Variants in NSL1 observed in about 807,000 individuals in gnomAD.
NSL1 encodes kinetochore-associated protein NSL1 homolog.
In NSL1, 11 loss-of-function variants were observed where a neutral mutation model predicts 25.4. The observed-to-expected ratio is 0.43, with a 90% CI of 0.27 to 0.72. NSL1 has a LOEUF of 0.72. Ranked by LOEUF, NSL1 falls within the 30% of genes least tolerant of loss-of-function variation. The pLI is 0.19. For synonymous variants in NSL1, 118 were observed against 120.6 expected (o/e 0.98, Z 0.14); for missense variants, 330 against 342.7 (o/e 0.96, Z 0.29).
In NSL1 at chr1:212,732,127, C is replaced by T; in HGVS notation, c.*6281G>A. On this transcript the variant is annotated 3_prime_UTR_variant, in exon 6 of 6. Transcript: ENST00000366977. ...GAGAACTAATTTGTAACCATGATTACATTTCTTTTTTTGTACAGCTTTCTG... is the reference window on the plus strand; with the variant it reads ...GAGAACTAATTTGTAACCATGATTATATTTCTTTTTTTGTACAGCTTTCTG... The T allele has an allele frequency of 1.0e-6, 1 of 982,760 alleles. No homozygotes were observed. The highest frequency in any genetic ancestry group is 1.2e-6 in the Non-Finnish European group (1 of 829,068). 60.9% of individuals were successfully genotyped at this position (982,760 alleles called of 1,614,324 possible). A position where few individuals can be genotyped will look rare whatever the true frequency, so the allele number is the denominator to read the frequency against.
At position 212,754,004 on chromosome 1, in the gene NSL1, A is replaced by C. The variant is rs190713632; in HGVS notation, c.500-14403T>G. ...CAGTGAGGCACTTTCAAAGAACTGA[A>C]AGACTGGCAGCAAACAGGAAAGTGC... is the stretch of plus-strand genomic sequence containing the variant. On this transcript the variant is annotated intron_variant, in intron 4 of 5. Coordinates refer to ENST00000366977, the MANE Select transcript of NSL1 (RefSeq NM_015471.4). Among the ~76,000 whole-genome samples, 16 of 152,280 alleles carry C rather than the reference A, an allele frequency of 1.1e-4. 2 individuals carry two copies. The highest frequency in any genetic ancestry group is 1.0e-3 in the Admixed American group (16 of 15,294).
chr1:212,784,488 C>A lies in NSL1; in HGVS notation c.319G>T (p.Asp107Tyr). The A allele has an allele frequency of 1.3e-6, 2 of 1,529,138 alleles. No homozygotes were observed. The highest frequency in any genetic ancestry group is 2.6e-5 in the South Asian group (2 of 78,160). 94.7% of individuals were successfully genotyped at this position (1,529,138 alleles called of 1,614,324 possible). ...EASDNCFMDS[D>Y]IKVLEDQFDE... ...AACTGATCTTCAAGTACTTTGATGTCAGAATCTATTTGAGAAAAAAAAATG... is the reference window on the plus strand; with the variant it reads ...AACTGATCTTCAAGTACTTTGATGTAAGAATCTATTTGAGAAAAAAAAATG... The change falls in exon 3 of 6, where the codon GAC becomes TAC. Residue 107 changes from aspartate to tyrosine, a missense_variant. Coordinates refer to ENST00000366977, the MANE Select transcript of NSL1 (RefSeq NM_015471.4).
intron 5 of NSL1, 78 bp from the exon 6 acceptor site, chr1:212,738,764 TA>T: frequency 5.1e-6 from 6 of 1,175,230 alleles, no homozygotes; most frequent in African/African-American, 2.0e-5. Flanking sequence ...TGCAGTACTC[TA>T]ATTTTTTTTT....
At chr1:212,763,994 A>G (rs751149296) in intron 4 of NSL1, 1 of 437,030 alleles carries the variant, frequency 2.3e-6, no homozygotes, top group South Asian at 1.7e-5. Flanking sequence ...TCATCAGCAC[A>G]TGGAACAGTC....
At chr1:212,776,731 ACAACAAC>A (rs1660388168) in intron 4 of NSL1, among the ~76,000 whole-genome samples, 6 of 150,040 alleles carry the variant, frequency 4.0e-5, no homozygotes, top group African/African-American at 7.4e-5. Flanking sequence ...AACAACAACA[ACAACAAC>A]AAAAAAAACC....
At chr1:212,779,036 C>A (rs937222669) in intron 4 of NSL1, among the ~76,000 whole-genome samples, 1 of 145,692 alleles carries the variant, frequency 6.9e-6, no homozygotes, top group Non-Finnish European at 1.5e-5. Flanking sequence ...ATGTGGGGAG[C>A]GCCTCTGCCC....
Position 212,736,284 on chromosome 1 carries a change from A to C in NSL1, c.*2124T>G. ...AGTAATCTGTCCACTTCAGCCTCCC[A>C]AAGTGCTGGGATTACAGGCATGAGC... On this transcript the variant is annotated 3_prime_UTR_variant, in exon 6 of 6. Coordinates refer to ENST00000366977, the MANE Select transcript of NSL1 (RefSeq NM_015471.4). The C allele has an allele frequency of 1.1e-6, 1 of 923,220 alleles. No individual in the cohort carries two copies. The highest frequency in any genetic ancestry group is 1.3e-6 in the Non-Finnish European group (1 of 773,412). The allele number at this position is 923,220 out of a possible 1,614,324, so 57.2% of individuals were successfully genotyped here. A position where few individuals can be genotyped will look rare whatever the true frequency, so the allele number is the denominator to read the frequency against.
chr1:212,767,117 A>T (rs1217201702), intron 4 of NSL1, among the ~76,000 whole-genome samples: 1 of 152,228 alleles, frequency 6.6e-6, no homozygotes. Context: ...AAACCAAAAA[A>T]GAGCCCACAT....
At chr1:212,749,884 G>A (rs762962404) in intron 4 of NSL1, among the ~76,000 whole-genome samples, 2 of 150,534 alleles carry the variant, frequency 1.3e-5, no homozygotes, top group Non-Finnish European at 1.5e-5. Context: ...ACAAATGAAT[G>A]TCTAGTGAGA....
At position 212,732,651 on chromosome 1, in the gene NSL1, A is replaced by T; in HGVS notation, c.*5757T>A. 1 of 985,274 alleles carries T rather than the reference A, an allele frequency of 1.0e-6. No homozygotes were observed. The highest frequency in any genetic ancestry group is 1.2e-6 in the Non-Finnish European group (1 of 829,884). The allele number at this position is 985,274 out of a possible 1,614,324, so 61.0% of individuals were successfully genotyped here. A position where few individuals can be genotyped will look rare whatever the true frequency, so the allele number is the denominator to read the frequency against. On this transcript the variant is annotated 3_prime_UTR_variant, in exon 6 of 6. Coordinates refer to ENST00000366977, the MANE Select transcript of NSL1 (RefSeq NM_015471.4). ...TCTCCAAATCTGCTGATTAGTTAGTAGCCTGTAGACTCGAGTGTGCTGTGT... is the reference window on the plus strand; with the variant it reads ...TCTCCAAATCTGCTGATTAGTTAGTTGCCTGTAGACTCGAGTGTGCTGTGT...
At chr1:212,778,810 C>A (rs1660514411) in intron 4 of NSL1, among the ~76,000 whole-genome samples, 1 of 152,138 alleles carries the variant, frequency 6.6e-6, no homozygotes, top group Admixed American at 6.5e-5. Flanking sequence ...CAGCCTCTGC[C>A]CGGCCGCCAC....
chr1:212,773,340 G>GA (rs113611036), intron 4 of NSL1, among the ~76,000 whole-genome samples: 30,902 of 150,764 alleles, frequency 0.2, 3,971 homozygotes, highest in African/African-American at 0.37. Context: ...CAACAGCAAA[G>GA]AAAAAAAAAT....
At chr1:212,786,175 G>C (rs1296546709) in intron 2 of NSL1, among the ~76,000 whole-genome samples, 1 of 151,754 alleles carries the variant, frequency 6.6e-6, no homozygotes, top group Non-Finnish European at 1.5e-5. Context: ...ATAGCTTTTG[G>C]GGTACAAGTG....
intron 3 of NSL1, 72 bp from the exon 4 acceptor site, chr1:212,782,498 G>A: frequency 9.5e-7 from 1 of 1,051,518 alleles, no homozygotes; most frequent in Non-Finnish European, 1.5e-6. Flanking sequence ...CAGCTAATAT[G>A]GGAGATATAC....
Position 212,734,687 on chromosome 1 carries a change from A to T in NSL1, c.*3721T>A, listed in dbSNP as rs1344689706. ...ATCTTTGATATTGATCCACATTGTT[A>T]TAACAGTAATTTGTTCTTTATTCCT... On this transcript the variant is annotated 3_prime_UTR_variant, in exon 6 of 6. Coordinates refer to ENST00000366977, the MANE Select transcript of NSL1 (RefSeq NM_015471.4). Among the ~76,000 whole-genome samples, 1 of 152,202 alleles carries T rather than the reference A, an allele frequency of 6.6e-6. No individual in the cohort carries two copies. Among genetic ancestry groups the T allele is most frequent in the Non-Finnish European group, 1.5e-5 (1 of 68,028 alleles).
intron 4 of NSL1, among the ~76,000 whole-genome samples, chr1:212,779,199 C>T (rs1312952017): frequency 2.0e-5 from 3 of 150,420 alleles, no homozygotes; most frequent in South Asian, 2.1e-4. Flanking sequence ...GGAGCGTCTC[C>T]GCCCGGCCAG....
At chr1:212,784,316 TA>T in intron 3 of NSL1, 46 bp downstream of exon 3, 1 of 1,343,084 alleles carries the variant, frequency 7.4e-7, no homozygotes, top group Non-Finnish European at 1.0e-6. Context: ...TTAATGTTTT[TA>T]TTGTGGTAAA....
At position 212,760,729 on chromosome 1, in the gene NSL1, C is replaced by T. The variant is rs1422369537; in HGVS notation, c.500-21128G>A. On this transcript the variant is annotated intron_variant, in intron 4 of 5. Transcript: ENST00000366977. The surrounding 1 kb of genome is among the most constrained non-coding windows in gnomAD (Gnocchi z 4.3). ...CCCAGGGACTCATGAAACCACCTGC[C>T]TGCCCATCCCATTGCTGTCACTGCT... Among the ~76,000 whole-genome samples the T allele has an allele frequency of 1.3e-5, 2 of 152,176 alleles. No homozygotes were observed. Among genetic ancestry groups the T allele is most frequent in the Non-Finnish European group, 2.9e-5 (2 of 68,032 alleles).
Sources: allele counts gnomAD v4.1 joint callset (sites outside exome capture counted in the v4.1 genomes callset), GRCh38; gene constraint gnomAD v4.1.1; non-coding constraint Gnocchi (gnomAD v3.1); transcripts MANE v1.5; gene names NCBI Gene and HGNC (gene_info 2026-07-23, HGNC 2026-07-21).